Variants in INPP1 observed in about 807,000 individuals in gnomAD.
INPP1 encodes inositol polyphosphate 1-phosphatase.
In INPP1, 18 loss-of-function variants were observed where a neutral mutation model predicts 23.0. The observed-to-expected ratio is 0.78, with a 90% CI of 0.54 to 1.16. The LOEUF is 1.16. Ranked by LOEUF, INPP1 falls within the 50% of genes most tolerant of loss-of-function variation. The probability of loss-of-function intolerance (pLI) is 0.00; values close to 1 mark genes in which losing one functional copy is unlikely to be tolerated. For synonymous variants in INPP1, 164 were observed against 176.3 expected (o/e 0.93, Z 0.55); for missense variants, 448 against 482.1 (o/e 0.93, Z 0.66).
Position 190,360,270 on chromosome 2 carries a change from G to A in INPP1, c.168G>A (p.Leu56=). 1 of 1,614,104 alleles carries A rather than the reference G, an allele frequency of 6.2e-7. No homozygotes were observed. Among genetic ancestry groups the A allele is most frequent in the East Asian group, 2.2e-5 (1 of 44,884 alleles). The change falls in exon 3 of 7, where the codon CTG becomes CTA. Residue 56 remains leucine (L), a synonymous_variant. Coordinates refer to ENST00000392329, the MANE Select transcript of INPP1 (RefSeq NM_001128928.2). ...ACTTCAAGACGCTGGCTGATGTACT[G>A]GTACAGGAAGTTATAAAACAGAATA... is the stretch of plus-strand genomic sequence containing the variant. The part of the protein sequence containing the change: ...AVDFKTLADV[L]VQEVIKQNME...
intron 4 of INPP1, among the ~76,000 whole-genome samples, chr2:190,366,262 TTTCACTCTTCC>T (rs1166386853): frequency 9.4e-4 from 135 of 143,034 alleles, no homozygotes; most frequent in East Asian, 1.7e-3. Flanking sequence ...CCTCTGTCTC[TTTCACTCTTCC>T]TGTCTCTCTC....
rs147784074 is a variant in INPP1 at position 190,354,925 on chromosome 2, G to GGGGTGT, written c.-64-5113_-64-5112insGGTGTG. The stretch of plus-strand genomic sequence containing the variant: ...AACCTAGTGACAGATATCAACTAGG[G>GGGGTGT]GTGTGTGTGTGTGTGTGTGTGCATT... On this transcript the variant is annotated intron_variant, in intron 2 of 6. Coordinates refer to ENST00000392329, the MANE Select transcript of INPP1 (RefSeq NM_001128928.2). This position sits in a 1 kb window ranked among gnomAD's most constrained non-coding sequence, Gnocchi z 4.8. Among the ~76,000 whole-genome samples, 967 of 146,618 alleles carry GGGGTGT rather than the reference G, an allele frequency of 6.6e-3. 10 individuals carry two copies. The highest frequency in any genetic ancestry group is 0.023 in the African/African-American group (919 of 39,414).
chr2:190,345,732 G>T lies in INPP1; in HGVS notation c.-209+1771G>T, dbSNP rs946378979. ...GGCTCTGGCTGGCGTGGTGGCTCACGCCTGTTATCCCTGCACTTTGGGAGG... is the reference window on the plus strand; with the variant it reads ...GGCTCTGGCTGGCGTGGTGGCTCACTCCTGTTATCCCTGCACTTTGGGAGG... On this transcript the variant is annotated intron_variant, in intron 1 of 6. Transcript: ENST00000392329. The surrounding 1 kb of genome is among the most constrained non-coding windows in gnomAD (Gnocchi z 4.9). Among the ~76,000 whole-genome samples the T allele has an allele frequency of 2.0e-5, 3 of 152,220 alleles. No homozygotes were observed. The highest frequency in any genetic ancestry group is 2.9e-5 in the Non-Finnish European group (2 of 68,038).
At chr2:190,361,745 G>C (rs966937333) in intron 3 of INPP1, among the ~76,000 whole-genome samples, 3 of 152,188 alleles carry the variant, frequency 2.0e-5, no homozygotes, top group African/African-American at 7.2e-5. Flanking sequence ...GGGAGACTGA[G>C]TTTCAGCCCT....
chr2:190,365,780 ACTCT>A (rs900173656), intron 4 of INPP1, among the ~76,000 whole-genome samples: 2 of 150,962 alleles, frequency 1.3e-5, no homozygotes, highest in South Asian at 2.1e-4. Flanking sequence ...TCACTGGCTC[ACTCT>A]CTCTCTGTCT....
intron 2 of INPP1, among the ~76,000 whole-genome samples, chr2:190,350,106 A>G (rs564241220): frequency 6.6e-6 from 1 of 152,242 alleles, no homozygotes; most frequent in Non-Finnish European, 1.5e-5. Context: ...CAGCCTCCCA[A>G]AGTCCTGGGA....
chr2:190,359,570 AAAG>A (rs201556335), intron 2 of INPP1: 21,825 of 146,278 alleles, frequency 0.15, 3,344 homozygotes, highest in African/African-American at 0.4. Context: ...AAAAAAAAAA[AAAG>A]AAAGAAAAAA....
In INPP1 at chr2:190,356,316, C is replaced by G. The variant is rs1255114286; in HGVS notation, c.-64-3723C>G. Among the ~76,000 whole-genome samples, 2 of 152,180 alleles carry G rather than the reference C, an allele frequency of 1.3e-5. No individual in the cohort carries two copies. Among genetic ancestry groups the G allele is most frequent in the Admixed American group, 6.5e-5 (1 of 15,276 alleles). ...AACGAAGAGTGAACTCTGGGATAAC[C>G]TTGGAACTGAAAAACCTGATTATTG... On this transcript the variant is annotated intron_variant, in intron 2 of 6. Coordinates refer to ENST00000392329, the MANE Select transcript of INPP1 (RefSeq NM_001128928.2). This position sits in a 1 kb window ranked among gnomAD's most constrained non-coding sequence, Gnocchi z 6.4.
intron 6 of INPP1, 79 bp downstream of exon 6, chr2:190,369,356 T>C: frequency 1.5e-6 from 1 of 681,942 alleles, no homozygotes; most frequent in South Asian, 2.8e-5. Context: ...GGATTATCAC[T>C]ATATGACATT....
At chr2:190,362,729 C>A in intron 4 of INPP1, 42 bp downstream of exon 4, 2 of 1,311,332 alleles carry the variant, frequency 1.5e-6, no homozygotes, top group Non-Finnish European at 1.1e-6. Context: ...ATTTAATTAT[C>A]ATATGGTATT....
intron 6 of INPP1, 41 bp downstream of exon 6, chr2:190,369,318 C>T: frequency 8.7e-7 from 1 of 1,147,394 alleles, no homozygotes; most frequent in Non-Finnish European, 1.3e-6. Context: ...GTTGTTAGAA[C>T]TTACGACCTC....
chr2:190,360,413 C>T lies in INPP1; in HGVS notation c.204+107C>T, dbSNP rs572242801. 7 of 821,552 alleles carry T rather than the reference C, an allele frequency of 8.5e-6. No homozygotes were observed. The South Asian group carries it at 1.1e-4, about 13-fold the overall frequency. The allele number at this position is 821,552 out of a possible 1,614,324, so 50.9% of individuals were successfully genotyped here. Reference sequence around the variant, plus strand: ...CCTCACCCCTATCAGTATACTAGCACCTTGATTTCAAGTAAACATCTTGGA... The same window carrying T: ...CCTCACCCCTATCAGTATACTAGCATCTTGATTTCAAGTAAACATCTTGGA... On this transcript the variant is annotated intron_variant, in intron 3 of 6. Coordinates refer to ENST00000392329, the MANE Select transcript of INPP1 (RefSeq NM_001128928.2).
At position 190,369,157 on chromosome 2, in the gene INPP1, T is replaced by C. The variant is rs371964835; in HGVS notation, c.521T>C (p.Ile174Thr). 1.2e-6 allele frequency: 2 copies of C among 1,607,866 alleles called. No homozygotes were observed. Among genetic ancestry groups the C allele is most frequent in the African/African-American group, 1.3e-5 (1 of 74,976 alleles). ...GCTGACATTAAATCCAACCAGGGAA[T>C]CTTCCCCTGTGGACTTCAGTGTGTC... ...GSADIKSNQG[I>T]FPCGLQCVTI... Residue 174 changes from isoleucine to threonine, a missense_variant, in exon 6 of 7, where the codon ATC (isoleucine) becomes ACC (threonine). Coordinates refer to ENST00000392329, the MANE Select transcript of INPP1 (RefSeq NM_001128928.2).
At chr2:190,362,347 A>G (rs2067419) in intron 3 of INPP1, among the ~76,000 whole-genome samples, 32,148 of 152,102 alleles carry the variant, frequency 0.21, 3,790 homozygotes, top group East Asian at 0.41. Flanking sequence ...TGAAGTTTCT[A>G]GAAGTACTTT....
Position 190,346,215 on chromosome 2 carries a change from A to C in INPP1, c.-209+2254A>C, listed in dbSNP as rs1346346165. ...TTTCTAAGAGAAAGGAGATATTTCA[A>C]ATAGACAAAAATGATAAAATTTTAA... On this transcript the variant is annotated intron_variant, in intron 1 of 6. Coordinates refer to ENST00000392329, the MANE Select transcript of INPP1 (RefSeq NM_001128928.2). This position sits in a 1 kb window ranked among gnomAD's most constrained non-coding sequence, Gnocchi z 5.1. 6.6e-6 allele frequency among the ~76,000 whole-genome samples: 1 copy of C among 152,206 alleles called. No homozygotes were observed. The highest frequency in any genetic ancestry group is 1.5e-5 in the Non-Finnish European group (1 of 68,030).
rs1052547995 is a variant in INPP1, at chr2:190,345,312, G to T, written c.-209+1351G>T. On this transcript the variant is annotated intron_variant, in intron 1 of 6. Transcript: ENST00000392329. This position sits in a 1 kb window ranked among gnomAD's most constrained non-coding sequence, Gnocchi z 4.9. ...AGCTTTGACTAATGCCCTTTAAAATGATATACCTTATTATAGATTTAAATT... is the reference window on the plus strand; with the variant it reads ...AGCTTTGACTAATGCCCTTTAAAATTATATACCTTATTATAGATTTAAATT... 6.6e-6 allele frequency among the ~76,000 whole-genome samples: 1 copy of T among 152,114 alleles called. No individual in the cohort carries two copies. Among genetic ancestry groups the T allele is most frequent in the Non-Finnish European group, 1.5e-5 (1 of 68,014 alleles).
chr2:190,371,040 T>G lies in INPP1; in HGVS notation c.838T>G (p.Cys280Gly). Residue 280 changes from cysteine to glycine, a missense_variant, in exon 7 of 7, where the codon TGT becomes GGT. By Grantham distance (159) the Cys-to-Gly change is radical. Transcript: ENST00000392329. This position sits in a 1 kb window ranked among gnomAD's most constrained non-coding sequence, Gnocchi z 5.3. ...ETIKAALSRV[C>G]GDRIFGAAGA... is the part of the protein sequence containing the mutation. ...TATCAAAGCTGCATTGTCACGTGTG[T>G]GTGGAGATCGCATATTTGGGGCAGC... The G allele has an allele frequency of 1.2e-6, 2 of 1,614,154 alleles. No individual in the cohort carries two copies. The highest frequency in any genetic ancestry group is 1.7e-6 in the Non-Finnish European group (2 of 1,180,024).
chr2:190,364,332 A>G (rs536058938), intron 4 of INPP1, among the ~76,000 whole-genome samples: 38 of 151,956 alleles, frequency 2.5e-4, no homozygotes, highest in South Asian at 4.2e-4. Flanking sequence ...AAGGTCAGGA[A>G]ATTGAGTCCA....
rs796196740 is a variant in INPP1, at chr2:190,364,606, T to TTTTTTTTTTTTTTG, written c.265+1919_265+1920insTTTTTTTTTTTTTG. 2.3e-3 allele frequency among the ~76,000 whole-genome samples: 226 copies of TTTTTTTTTTTTTTG among 96,324 alleles called. 18 individuals are homozygous for TTTTTTTTTTTTTTG. Among genetic ancestry groups the TTTTTTTTTTTTTTG allele is most frequent in the African/African-American group, 9.1e-3 (209 of 22,970 alleles). 63.2% of individuals were successfully genotyped at this position (96,324 alleles called of 152,430 possible). A position where few individuals can be genotyped will look rare whatever the true frequency, so the allele number is the denominator to read the frequency against. On this transcript the variant is annotated intron_variant, in intron 4 of 6. Transcript: ENST00000392329. The stretch of plus-strand genomic sequence containing the variant: ...GAGGTTCTGATTTTTTTTTTTTTTT[T>TTTTTTTTTTTTTTG]GTTAGATGGAGTCTCCCTCTGTTGC...
Sources: gnomAD v4.1 joint callset for allele counts (sites outside exome capture counted in the v4.1 genomes callset) on GRCh38, gnomAD v4.1.1 for gene constraint, Gnocchi (gnomAD v3.1) non-coding constraint, MANE v1.5 for transcripts, NCBI Gene and HGNC (gene_info 2026-07-23, HGNC 2026-07-21) for gene names.